The following FXR1 variants were observed in gnomAD, a reference collection of about 807,000 sequenced individuals.
The protein encoded by FXR1 is RNA-binding protein FXR1.
In FXR1, 15 loss-of-function variants were observed where a neutral mutation model predicts 84.0. The ratio of observed to expected loss-of-function variants is 0.18; its 90% CI spans 0.12 to 0.27. The LOEUF (loss-of-function observed/expected upper bound fraction) is 0.27, where lower values mean the gene tolerates loss of function less well. Among genes scored for constraint, FXR1 ranks in the 10% least tolerant of loss-of-function variants. The pLI, the probability that FXR1 is intolerant of heterozygous loss-of-function variation, is 1.00. For missense variants in FXR1, 480 were observed against 774.4 expected, an observed-to-expected ratio of 0.62 and a Z score of 4.51; for synonymous variants, 245 against 250.7, an observed-to-expected ratio of 0.98 and a Z score of 0.21.
chr3:180,951,852 T>A (rs1289645812), intron 8 of FXR1, among the ~76,000 whole-genome samples: 3 of 152,162 alleles, frequency 2.0e-5, no homozygotes, highest in Non-Finnish European at 4.4e-5. Context: ...TGTATAATAC[T>A]TCGTCACTGG....
At chr3:180,954,963 C>A (rs1576971440) in intron 9 of FXR1, among the ~76,000 whole-genome samples, 1 of 123,456 alleles carries the variant, frequency 8.1e-6, no homozygotes, top group African/African-American at 3.1e-5. Flanking sequence ...TGGAATTTAA[C>A]TGTTAGTATT....
At chr3:180,953,910 A>G in intron 9 of FXR1, 70 bp downstream of exon 9, 1 of 779,450 alleles carries the variant, frequency 1.3e-6, no homozygotes, top group Non-Finnish European at 2.2e-6. Flanking sequence ...ACTTAATTGA[A>G]AACTAGTCTT....
chr3:180,977,751 G>A lies in FXR1; in HGVS notation c.*1459G>A, dbSNP rs758857718. 1 of 152,058 alleles carries A rather than the reference G, an allele frequency of 6.6e-6. No homozygotes were observed. The highest frequency in any genetic ancestry group is 1.5e-5 in the Non-Finnish European group (1 of 67,970). 9.4% of individuals were successfully genotyped at this position (152,058 alleles called of 1,614,324 possible). ...TCACTTGGCATATGAAAAGTGTTGT[G>A]TGCATAGTTTGTGTTAATTTTTTAT... On this transcript the variant is annotated 3_prime_UTR_variant, in exon 17 of 17. Coordinates refer to ENST00000357559, the MANE Select transcript of FXR1 (RefSeq NM_005087.4).
intron 3 of FXR1, among the ~76,000 whole-genome samples, chr3:180,940,585 CT>C (rs58770842): frequency 1.3e-4 from 19 of 147,412 alleles, no homozygotes; most frequent in African/African-American, 2.8e-4. Flanking sequence ...TTTCTGTTTT[CT>C]TTTTTTTTTG....
At chr3:180,947,102 G>C (rs948081828) in intron 3 of FXR1, among the ~76,000 whole-genome samples, 2 of 151,934 alleles carry the variant, frequency 1.3e-5, no homozygotes, top group Non-Finnish European at 2.9e-5. Context: ...GCCTAGGCTG[G>C]AGTGCAATGG....
chr3:180,963,558 A>G (rs1168451351), intron 13 of FXR1, among the ~76,000 whole-genome samples: 1 of 152,184 alleles, frequency 6.6e-6, no homozygotes, highest in East Asian at 1.9e-4. Context: ...TTTAAAAAAT[A>G]TTTTACTTAC....
chr3:180,946,788 CT>C (rs1721738088), intron 3 of FXR1, among the ~76,000 whole-genome samples: 1 of 152,170 alleles, frequency 6.6e-6, no homozygotes, highest in East Asian at 1.9e-4. Flanking sequence ...TTGTGTTTAT[CT>C]CCCAGATGGC....
At chr3:180,965,419 G>T (rs1438979966) in intron 13 of FXR1, among the ~76,000 whole-genome samples, 1 of 152,192 alleles carries the variant, frequency 6.6e-6, no homozygotes, top group Non-Finnish European at 1.5e-5. Context: ...GATTTTATTA[G>T]AGTATTTGTT....
Position 180,980,340 on chromosome 3 carries a change from A to AATT in FXR1, c.*4050_*4052dup, listed in dbSNP as rs1259182083. On this transcript the variant is annotated 3_prime_UTR_variant, in exon 17 of 17. Transcript: ENST00000357559. ...CAGCCCCACTATTAAGTATGCTACT[A>AATT]ATTAGCTTCTTGAATTTCTTTGTAT... The AATT allele has an allele frequency of 6.6e-6, 1 of 151,768 alleles. No individual in the cohort carries two copies. Among genetic ancestry groups the AATT allele is most frequent in the Non-Finnish European group, 1.5e-5 (1 of 67,838 alleles). The allele number at this position is 151,768 out of a possible 1,614,324, so 9.4% of individuals were successfully genotyped here. A position where few individuals can be genotyped will look rare whatever the true frequency, so the allele number is the denominator to read the frequency against.
At chr3:180,919,883 G>A (rs1718366529) in intron 1 of FXR1, among the ~76,000 whole-genome samples, 2 of 149,664 alleles carry the variant, frequency 1.3e-5, no homozygotes, top group Non-Finnish European at 3.0e-5. Context: ...GGCCAGGCTG[G>A]TCCCAAACTG....
At chr3:180,913,135 C>CG (rs1007555609) in intron 1 of FXR1, among the ~76,000 whole-genome samples, 4 of 152,116 alleles carry the variant, frequency 2.6e-5, no homozygotes, top group African/African-American at 9.6e-5. Flanking sequence ...CCCCGCCCCT[C>CG]GAACTGGGCC....
chr3:180,921,924 A>G lies in FXR1; in HGVS notation c.51+9188A>G, dbSNP rs1028555556. On this transcript the variant is annotated intron_variant, in intron 1 of 16. Coordinates refer to ENST00000357559, the MANE Select transcript of FXR1 (RefSeq NM_005087.4). The stretch of plus-strand genomic sequence containing the variant: ...GTTTGTAGCACATATACGTGGTTCC[A>G]TATATTTCACTATGCTCGTAGAATT... 1.3e-3 allele frequency among the ~76,000 whole-genome samples: 192 copies of G among 152,122 alleles called. 1 individual carries two copies. The highest frequency in any genetic ancestry group is 2.4e-4 in the Non-Finnish European group (16 of 68,022).
intron 3 of FXR1, among the ~76,000 whole-genome samples, chr3:180,943,028 G>A (rs1025078698): frequency 2.0e-5 from 3 of 152,048 alleles, no homozygotes; most frequent in Non-Finnish European, 4.4e-5. Context: ...GTGCAGTGGC[G>A]TGATCTCGGC....
At chr3:180,971,287 T>G (rs1466719025) in intron 15 of FXR1, 8 of 188,472 alleles carry the variant, frequency 4.2e-5, no homozygotes, top group Non-Finnish European at 6.7e-5. Context: ...TTGCATAAAT[T>G]GTTTATTCAA....
intron 1 of FXR1, among the ~76,000 whole-genome samples, chr3:180,928,293 T>C (rs2108436574): frequency 6.6e-6 from 1 of 152,226 alleles, no homozygotes; most frequent in East Asian, 1.9e-4. Flanking sequence ...ATCTTTTCCA[T>C]CTTCATTATT....
intron 2 of FXR1, among the ~76,000 whole-genome samples, chr3:180,933,877 G>A (rs1328917843): frequency 3.3e-5 from 5 of 152,112 alleles, no homozygotes; most frequent in African/African-American, 4.8e-5. Context: ...TTGGGAGGCC[G>A]AGGCGGGCAG....
chr3:180,914,456 AAAAATAAAG>A (rs1717639127), intron 1 of FXR1, among the ~76,000 whole-genome samples: 1 of 152,184 alleles, frequency 6.6e-6, no homozygotes, highest in Non-Finnish European at 1.5e-5. Flanking sequence ...GCATATTGGA[AAAAATAAAG>A]TGATTATTTT....
chr3:180,928,119 CTA>C (rs1719444934), intron 1 of FXR1, among the ~76,000 whole-genome samples: 1 of 142,806 alleles, frequency 7.0e-6, no homozygotes, highest in African/African-American at 2.6e-5. Context: ...AATGTTTTAT[CTA>C]TTGATTTTTT....
chr3:180,958,525 T>C (rs1399484420), intron 10 of FXR1, among the ~76,000 whole-genome samples: 1 of 152,222 alleles, frequency 6.6e-6, no homozygotes, highest in Non-Finnish European at 1.5e-5. Flanking sequence ...TCATTTAGAA[T>C]AATGGCCTCC....
Sources: allele counts gnomAD v4.1 joint callset (sites outside exome capture counted in the v4.1 genomes callset), GRCh38; gene constraint gnomAD v4.1.1; transcripts MANE v1.5; gene names NCBI Gene and HGNC (gene_info 2026-07-23, HGNC 2026-07-21).